Variants in GALNT7 observed in about 807,000 individuals in gnomAD.
The protein encoded by GALNT7 is N-acetylgalactosaminyltransferase 7.
Under a neutral mutation model 82.1 loss-of-function variants are expected in GALNT7, and 60 were observed. The observed-to-expected ratio is 0.73, with a 90% CI of 0.59 to 0.91. GALNT7 has a LOEUF of 0.91. Ranked by LOEUF, GALNT7 falls within the 40% of genes least tolerant of loss-of-function variation. The probability of loss-of-function intolerance (pLI) is 0.00; values close to 1 mark genes in which losing one functional copy is unlikely to be tolerated. For synonymous variants in GALNT7, 243 were observed against 275.1 expected, an observed-to-expected ratio of 0.88 and a Z score of 1.15; for missense variants, 660 against 804.2, an observed-to-expected ratio of 0.82 and a Z score of 2.17.
chr4:173,278,397 A>G (rs1299126024), intron 2 of GALNT7, among the ~76,000 whole-genome samples: 1 of 152,236 alleles, frequency 6.6e-6, no homozygotes, highest in East Asian at 1.9e-4. Context: ...ACATAGCTTT[A>G]AAACAGTATT....
At position 173,246,451 on chromosome 4, in the gene GALNT7, A is replaced by C. The variant is rs1579951270; in HGVS notation, c.127-1529A>C. On this transcript the variant is annotated intron_variant, in intron 1 of 11. Coordinates refer to ENST00000265000, the MANE Select transcript of GALNT7 (RefSeq NM_017423.3). ...GCATATCACATCTGTAGAAAAATTCACAAGAAGTTGGTAGCTGTAATTACC... is the reference window on the plus strand; with the variant it reads ...GCATATCACATCTGTAGAAAAATTCCCAAGAAGTTGGTAGCTGTAATTACC... 2.6e-5 allele frequency among the ~76,000 whole-genome samples: 4 copies of C among 152,336 alleles called. No individual in the cohort carries two copies. The South Asian group carries it at 8.3e-4, about 32-fold the overall frequency.
intron 1 of GALNT7, among the ~76,000 whole-genome samples, chr4:173,192,579 A>T (rs1414155939): frequency 6.6e-6 from 1 of 152,200 alleles, no homozygotes; most frequent in Admixed American, 6.5e-5. Context: ...GGCATGTCTC[A>T]TTCATATGTA....
At chr4:173,310,055 C>T (rs1737321547) in intron 8 of GALNT7, among the ~76,000 whole-genome samples, 1 of 152,208 alleles carries the variant, frequency 6.6e-6, no homozygotes, top group South Asian at 2.1e-4. Context: ...GAGTACCCAG[C>T]ATGTGCCAGG....
intron 1 of GALNT7, among the ~76,000 whole-genome samples, chr4:173,198,685 T>C (rs551907981): frequency 6.6e-6 from 1 of 152,238 alleles, no homozygotes; most frequent in Non-Finnish European, 1.5e-5. Context: ...TGATAACCTA[T>C]TGGCATCAAT....
chr4:173,220,502 A>T (rs6553685), intron 1 of GALNT7, among the ~76,000 whole-genome samples: 131,201 of 151,670 alleles, frequency 0.87, 58,726 homozygotes, highest in Non-Finnish European at 0.98. Flanking sequence ...TTCTTTTTTT[A>T]AAAAAATTAT....
intron 1 of GALNT7, among the ~76,000 whole-genome samples, chr4:173,175,909 C>G (rs1275943040): frequency 1.3e-5 from 2 of 152,020 alleles, no homozygotes; most frequent in African/African-American, 4.8e-5. Flanking sequence ...CCTGTCTCTA[C>G]TAAAAATACA....
intron 1 of GALNT7, among the ~76,000 whole-genome samples, chr4:173,216,121 A>G (rs1331165144): frequency 6.6e-6 from 1 of 152,180 alleles, no homozygotes; most frequent in Non-Finnish European, 1.5e-5. Context: ...CTGTCTAAAA[A>G]AAAGCCCACA....
intron 1 of GALNT7, among the ~76,000 whole-genome samples, chr4:173,247,192 C>T (rs919590236): frequency 2.6e-5 from 4 of 151,590 alleles, no homozygotes; most frequent in African/African-American, 9.7e-5. Flanking sequence ...ACAAATAATA[C>T]CTCAGAAGCA....
chr4:173,314,077 A>G lies in GALNT7; in HGVS notation c.1509A>G (p.Glu503=), dbSNP rs1210963717. 6.2e-7 allele frequency: 1 copy of G among 1,613,600 alleles called. No homozygotes were observed. Among genetic ancestry groups the G allele is most frequent in the African/African-American group, 1.3e-5 (1 of 74,896 alleles). Residue 503 remains glutamate (E), a synonymous_variant, in exon 9 of 12, where the codon GAA becomes GAG. Transcript: ENST00000265000. ...TATCGGAGCTGAAAAAATTTCGAGA[A>G]GATCACAACTGCAAAAGTTTTAAGT... ...GDISELKKFR[E]DHNCKSFKWF... is the part of the protein sequence containing the mutation.
chr4:173,306,354 T>A (rs1028234106), intron 8 of GALNT7, among the ~76,000 whole-genome samples: 3 of 151,474 alleles, frequency 2.0e-5, no homozygotes, highest in Non-Finnish European at 2.9e-5. Flanking sequence ...GATTTGGATG[T>A]CTTTTCTTTC....
chr4:173,230,698 G>A lies in GALNT7; in HGVS notation c.127-17282G>A, dbSNP rs114005196. On this transcript the variant is annotated intron_variant, in intron 1 of 11. Transcript: ENST00000265000. ...CATGTGTCCTAGAAAACAGACTGTT[G>A]GTTGTATTTCTGGATAAGTACTCTG... Among the ~76,000 whole-genome samples, 595 of 152,144 alleles carry A rather than the reference G, an allele frequency of 3.9e-3. 2 individuals carry two copies. The highest frequency in any genetic ancestry group is 0.014 in the African/African-American group (572 of 41,516).
intron 1 of GALNT7, among the ~76,000 whole-genome samples, chr4:173,176,324 G>A (rs1210232082): frequency 6.6e-6 from 1 of 152,170 alleles, no homozygotes; most frequent in Non-Finnish European, 1.5e-5. Flanking sequence ...TACGGGATGA[G>A]CTTGAAGATG....
At chr4:173,249,588 G>A (rs930616285) in intron 2 of GALNT7, among the ~76,000 whole-genome samples, 1 of 152,186 alleles carries the variant, frequency 6.6e-6, no homozygotes, top group African/African-American at 2.4e-5. Context: ...ATTCCCAGTA[G>A]AGACTTGCCT....
intron 9 of GALNT7, chr4:173,316,866 T>A (rs1045221893): frequency 1.3e-5 from 2 of 152,310 alleles, no homozygotes; most frequent in Admixed American, 6.5e-5. Flanking sequence ...TCTTCCTCTG[T>A]ACATTCACAC....
At chr4:173,221,654 C>T (rs1376695891) in intron 1 of GALNT7, among the ~76,000 whole-genome samples, 1 of 152,106 alleles carries the variant, frequency 6.6e-6, no homozygotes, top group Non-Finnish European at 1.5e-5. Flanking sequence ...TTATAGAGAA[C>T]TTTAATATTT....
At chr4:173,275,548 A>G (rs1735874184) in intron 2 of GALNT7, among the ~76,000 whole-genome samples, 1 of 152,212 alleles carries the variant, frequency 6.6e-6, no homozygotes, top group Non-Finnish European at 1.5e-5. Flanking sequence ...ATCATGGTGC[A>G]GCTCTTTGTT....
chr4:173,204,809 C>T (rs972302632), intron 1 of GALNT7, among the ~76,000 whole-genome samples: 2 of 152,124 alleles, frequency 1.3e-5, no homozygotes, highest in Non-Finnish European at 2.9e-5. Context: ...TCCATTTTGG[C>T]AGGGGGCAGC....
chr4:173,288,383 A>G (rs1041115901), intron 2 of GALNT7, among the ~76,000 whole-genome samples: 1 of 151,220 alleles, frequency 6.6e-6, no homozygotes, highest in African/African-American at 2.4e-5. Context: ...TGGGTCATGG[A>G]GCCTGGTCCC....
chr4:173,190,786 G>A lies in GALNT7; in HGVS notation c.126+21825G>A, dbSNP rs189497098. Among the ~76,000 whole-genome samples, 521 of 152,134 alleles carry A rather than the reference G, an allele frequency of 3.4e-3. 2 individuals carry two copies. The highest frequency in any genetic ancestry group is 5.1e-3 in the Non-Finnish European group (346 of 67,994). On this transcript the variant is annotated intron_variant, in intron 1 of 11. Transcript: ENST00000265000. ...AAATTCTACATTTATTGCTTTGCTT[G>A]GTTGTTAATAGAGTCAATGTCTCTT...
Sources: allele counts gnomAD v4.1 joint callset (sites outside exome capture counted in the v4.1 genomes callset), GRCh38; gene constraint gnomAD v4.1.1; transcripts MANE v1.5; gene names NCBI Gene and HGNC (gene_info 2026-07-23, HGNC 2026-07-21).